The following COL14A1 variants were observed in gnomAD, a reference collection of about 807,000 sequenced individuals.
COL14A1 encodes collagen type XIV alpha 1 chain, also known as collagen alpha-1(XIV) chain.
Under a neutral mutation model 230.3 loss-of-function variants are expected in COL14A1, and 136 were observed. The observed-to-expected ratio is 0.59, with a 90% CI of 0.51 to 0.68. The LOEUF is 0.68. Among genes scored for constraint, COL14A1 ranks in the 30% least tolerant of loss-of-function variants. The pLI is 0.00. For missense variants in COL14A1, 1,976 were observed against 2,215.8 expected, an observed-to-expected ratio of 0.89 and a Z score of 2.17; for synonymous variants, 792 against 784.1, an observed-to-expected ratio of 1.01 and a Z score of -0.17.
chr8:120,188,000 C>A (rs566176995), intron 5 of COL14A1, among the ~76,000 whole-genome samples: 1 of 152,070 alleles, frequency 6.6e-6, no homozygotes, highest in Non-Finnish European at 1.5e-5. Flanking sequence ...TCCTTTCTGA[C>A]TGCAAATGGG....
At chr8:120,229,618 T>C (rs1486748392) in intron 18 of COL14A1, among the ~76,000 whole-genome samples, 1 of 152,134 alleles carries the variant, frequency 6.6e-6, no homozygotes, top group Non-Finnish European at 1.5e-5. Flanking sequence ...GTCCTTTGGG[T>C]ATATACCCAG....
At chr8:120,246,774 C>G (rs184997583) in intron 20 of COL14A1, among the ~76,000 whole-genome samples, 135 of 152,188 alleles carry the variant, frequency 8.9e-4, no homozygotes, top group Non-Finnish European at 1.0e-3. Flanking sequence ...TGACAAAATG[C>G]ATACAAATTT....
At chr8:120,348,237 A>G (rs1358928079) in intron 45 of COL14A1, among the ~76,000 whole-genome samples, 1 of 147,336 alleles carries the variant, frequency 6.8e-6, no homozygotes, top group Non-Finnish European at 1.5e-5. Context: ...TATAAAGCAT[A>G]TATATATGTA....
chr8:120,278,074 A>C, intron 26 of COL14A1, 37 bp from the exon 27 acceptor site: 1 of 1,571,876 alleles, frequency 6.4e-7, no homozygotes, highest in Non-Finnish European at 8.6e-7. Flanking sequence ...GTGGAAGTCT[A>C]CATATGTGTG....
chr8:120,341,125 A>C (rs1466402615), intron 42 of COL14A1, among the ~76,000 whole-genome samples, 200 bp from the exon 43 acceptor site: 1 of 152,162 alleles, frequency 6.6e-6, no homozygotes, highest in Non-Finnish European at 1.5e-5. Context: ...AAAAGCTGAA[A>C]GGGTAGAATG....
chr8:120,308,413 G>C (rs1372086516), intron 36 of COL14A1, among the ~76,000 whole-genome samples: 1 of 152,190 alleles, frequency 6.6e-6, no homozygotes, highest in Non-Finnish European at 1.5e-5. Context: ...GAATGAATTA[G>C]ATCTATGTGT....
chr8:120,317,362 C>CA, intron 40 of COL14A1, among the ~76,000 whole-genome samples: 1 of 151,836 alleles, frequency 6.6e-6, no homozygotes, highest in East Asian at 1.9e-4. Flanking sequence ...TTTTTAACAC[C>CA]AAACTTTTGT....
chr8:120,221,999 G>GT (rs11385310), intron 14 of COL14A1, among the ~76,000 whole-genome samples: 82,914 of 151,950 alleles, frequency 0.55, 23,382 homozygotes, highest in African/African-American at 0.67. Flanking sequence ...TTTAACATGG[G>GT]TTGTATTTTC....
At chr8:120,309,023 C>T (rs1261350570) in intron 36 of COL14A1, among the ~76,000 whole-genome samples, 1 of 152,188 alleles carries the variant, frequency 6.6e-6, no homozygotes, top group Non-Finnish European at 1.5e-5. Flanking sequence ...CAAGGTCCGC[C>T]TCCCAGGTTC....
At chr8:120,212,124 T>C (rs938823638) in intron 12 of COL14A1, among the ~76,000 whole-genome samples, 2 of 152,238 alleles carry the variant, frequency 1.3e-5, no homozygotes, top group African/African-American at 4.8e-5. Flanking sequence ...AGAGAACATT[T>C]CTGATTCAAT....
At chr8:120,132,254 C>T (rs2130385229) in intron 1 of COL14A1, among the ~76,000 whole-genome samples, 1 of 152,262 alleles carries the variant, frequency 6.6e-6, no homozygotes, top group South Asian at 2.1e-4. Context: ...AGGTAGGAGT[C>T]CCATTTCATT....
At chr8:120,296,493 T>A (rs1820535800) in intron 34 of COL14A1, among the ~76,000 whole-genome samples, 1 of 151,982 alleles carries the variant, frequency 6.6e-6, no homozygotes, top group African/African-American at 2.4e-5. Flanking sequence ...GGATGGATAG[T>A]ACTATTTGGG....
At chr8:120,193,284 G>A (rs560462008) in intron 5 of COL14A1, among the ~76,000 whole-genome samples, 2 of 152,340 alleles carry the variant, frequency 1.3e-5, no homozygotes, top group South Asian at 4.1e-4. Flanking sequence ...CTCGGCTGCA[G>A]GTCTGTTGGA....
At chr8:120,131,129 T>A (rs1197848301) in intron 1 of COL14A1, among the ~76,000 whole-genome samples, 14 of 152,238 alleles carry the variant, frequency 9.2e-5, no homozygotes, top group African/African-American at 3.4e-4. Context: ...TTGATGAGCA[T>A]CTAGGTTGAT....
intron 15 of COL14A1, among the ~76,000 whole-genome samples, chr8:120,225,450 TA>T (rs771654917): frequency 8.5e-5 from 13 of 152,126 alleles, no homozygotes; most frequent in African/African-American, 3.1e-4. Flanking sequence ...GGTCTGTTTT[TA>T]AAAAAATGTA....
chr8:120,269,807 G>A (rs780099531), intron 25 of COL14A1, among the ~76,000 whole-genome samples: 5 of 151,542 alleles, frequency 3.3e-5, no homozygotes, highest in Non-Finnish European at 5.9e-5. Flanking sequence ...ATTTCCACAC[G>A]GATAATAGAA....
At chr8:120,264,335 T>A (rs1332656555) in intron 24 of COL14A1, among the ~76,000 whole-genome samples, 1 of 152,196 alleles carries the variant, frequency 6.6e-6, no homozygotes, top group Non-Finnish European at 1.5e-5. Context: ...TTATGGATTG[T>A]AAATCATATA....
intron 21 of COL14A1, among the ~76,000 whole-genome samples, chr8:120,248,054 A>C (rs1267454116): frequency 6.6e-6 from 1 of 152,184 alleles, no homozygotes; most frequent in African/African-American, 2.4e-5. Context: ...CTTTATAGGA[A>C]TAGGAAGCTT....
chr8:120,212,424 T>C (rs376006788), intron 12 of COL14A1, 24 bp from the exon 13 acceptor site: 1 of 1,611,044 alleles, frequency 6.2e-7, no homozygotes, highest in Non-Finnish European at 8.5e-7. Flanking sequence ...TGGCAAATGA[T>C]CTAACAACAT....
Sources: gnomAD v4.1 joint callset for allele counts (sites outside exome capture counted in the v4.1 genomes callset) on GRCh38, gnomAD v4.1.1 for gene constraint, MANE v1.5 for transcripts, NCBI Gene and HGNC (gene_info 2026-07-23, HGNC 2026-07-21) for gene names.